MROH9: variants seen among roughly 807,000 people sequenced by gnomAD.
The protein encoded by MROH9 is maestro heat-like repeat-containing protein family member 9.
MROH9 carries 92 observed loss-of-function variants against 98.2 expected under a neutral mutation model. The observed-to-expected ratio is 0.94, with a 90% CI of 0.79 to 1.11. The LOEUF is 1.11. Among genes scored for constraint, MROH9 ranks in the 50% most tolerant of loss-of-function variants. MROH9 has a pLI of 0.00. For missense variants in MROH9, 1,057 were observed against 1,014.8 expected (o/e 1.04, Z -0.57); for synonymous variants, 397 against 368.9 (o/e 1.08, Z -0.87).
intron 20 of MROH9, among the ~76,000 whole-genome samples, chr1:171,042,342 T>C (rs1179718837): frequency 6.6e-6 from 1 of 152,108 alleles, no homozygotes; most frequent in Non-Finnish European, 1.5e-5. Context: ...GGCTGAATGG[T>C]ATTCCATTGT....
intron 20 of MROH9, among the ~76,000 whole-genome samples, chr1:171,037,185 A>G (rs1334299696): frequency 6.6e-6 from 1 of 151,784 alleles, no homozygotes; most frequent in African/African-American, 2.4e-5. Flanking sequence ...TCCCATTTAT[A>G]GTAGGTAAAA....
chr1:170,958,088 C>T (rs1007747767), intron 3 of MROH9, among the ~76,000 whole-genome samples: 4 of 151,930 alleles, frequency 2.6e-5, no homozygotes, highest in African/African-American at 7.3e-5. Flanking sequence ...GGATTACAGG[C>T]GTGAGCCACC....
intron 15 of MROH9, among the ~76,000 whole-genome samples, chr1:171,008,954 A>G (rs1050467289): frequency 2.6e-5 from 4 of 151,536 alleles, no homozygotes; most frequent in African/African-American, 9.7e-5. Context: ...GGAAACATAT[A>G]CATATGCACA....
At chr1:171,032,817 A>C (rs1183159470) in intron 20 of MROH9, among the ~76,000 whole-genome samples, 1 of 152,178 alleles carries the variant, frequency 6.6e-6, no homozygotes, top group Non-Finnish European at 1.5e-5. Flanking sequence ...GGGGTGTGCC[A>C]CACCAGGCGG....
At chr1:171,026,292 T>TG (rs1652711630) in intron 20 of MROH9, among the ~76,000 whole-genome samples, 1 of 151,548 alleles carries the variant, frequency 6.6e-6, no homozygotes, top group East Asian at 1.9e-4. Context: ...TTTTTTTTTT[T>TG]AAGACAGAAT....
Position 170,971,805 on chromosome 1 carries a change from T to C in MROH9, c.538T>C (p.Ser180Pro), listed in dbSNP as rs1650467510. The C allele has an allele frequency of 6.2e-7, 1 of 1,613,968 alleles. No individual in the cohort carries two copies. The highest frequency in any genetic ancestry group is 1.3e-5 in the African/African-American group (1 of 74,940). ...GGCAGCAGAGCTGTCTCTTTTGTGT[T>C]CCCATGAAGATCCCTCGATTGTAAA... ...LLAAELSLLCSHEDPSIVKQA... is the reference protein window; with the variant it reads ...LLAAELSLLCPHEDPSIVKQA... Residue 180 changes from serine to proline, a missense_variant, in exon 8 of 22, where the codon TCC becomes CCC. Coordinates refer to ENST00000367759, the MANE Select transcript of MROH9 (RefSeq NM_001163629.2).
chr1:171,006,447 TTCTC>T (rs921131909), intron 15 of MROH9, among the ~76,000 whole-genome samples: 4 of 152,150 alleles, frequency 2.6e-5, no homozygotes, highest in African/African-American at 7.2e-5. Context: ...AATCTAGATG[TTCTC>T]TCTCTATCTT....
intron 1 of MROH9, among the ~76,000 whole-genome samples, chr1:170,940,916 C>T (rs59314187): frequency 0.021 from 3,188 of 152,252 alleles, 111 homozygotes; most frequent in African/African-American, 0.068. Context: ...TCCACAGTTC[C>T]GGCAACCAGT....
intron 1 of MROH9, among the ~76,000 whole-genome samples, chr1:170,937,967 G>C (rs920618832): frequency 6.6e-6 from 1 of 152,122 alleles, no homozygotes; most frequent in Non-Finnish European, 1.5e-5. Flanking sequence ...CCTGCACTGG[G>C]TGGTTGTAGT....
chr1:170,985,366 C>A (rs140933806), intron 9 of MROH9, among the ~76,000 whole-genome samples: 2 of 152,214 alleles, frequency 1.3e-5, no homozygotes, highest in African/African-American at 4.8e-5. Context: ...TGTAACAACA[C>A]GGCGTAGCAG....
At chr1:171,012,499 A>ATTTTT (rs372676922) in intron 15 of MROH9, among the ~76,000 whole-genome samples, 3 of 114,212 alleles carry the variant, frequency 2.6e-5, no homozygotes, top group African/African-American at 7.1e-5. Flanking sequence ...TAAAACTGTC[A>ATTTTT]TTTTTTTTTT....
At position 171,034,292 on chromosome 1, in the gene MROH9, T is replaced by C. The variant is rs188387465; in HGVS notation, c.2281+8872T>C. Among the ~76,000 whole-genome samples, 91 of 152,324 alleles carry C rather than the reference T, an allele frequency of 6.0e-4. 1 individual carries two copies. The highest frequency in any genetic ancestry group is 2.1e-3 in the African/African-American group (86 of 41,564). ...ACAAGAACTCAGGATGAAATCATCA[T>C]CATGAATTCTTCTTGAAGACATTAT... On this transcript the variant is annotated intron_variant, in intron 20 of 21. Transcript: ENST00000367759.
intron 20 of MROH9, among the ~76,000 whole-genome samples, chr1:171,033,304 C>T (rs1652987195): frequency 6.6e-6 from 1 of 152,384 alleles, no homozygotes; most frequent in South Asian, 2.1e-4. Context: ...CCCTTCACCC[C>T]AGGAGTTCAG....
At chr1:171,011,797 T>C (rs1652162588) in intron 15 of MROH9, among the ~76,000 whole-genome samples, 1 of 152,196 alleles carries the variant, frequency 6.6e-6, no homozygotes, top group Admixed American at 6.5e-5. Flanking sequence ...ATTTTACTTG[T>C]TCTTTTTTGT....
chr1:171,010,366 T>A (rs977360585), intron 15 of MROH9, among the ~76,000 whole-genome samples: 1 of 152,214 alleles, frequency 6.6e-6, no homozygotes. Context: ...TTCCAAGCCT[T>A]TGCTATTGTG....
chr1:171,028,602 A>G (rs955854242), intron 20 of MROH9, among the ~76,000 whole-genome samples: 1 of 152,198 alleles, frequency 6.6e-6, no homozygotes, highest in African/African-American at 2.4e-5. Context: ...TACTGAATCT[A>G]TAAATTAACT....
intron 2 of MROH9, 59 bp from the exon 3 acceptor site, chr1:170,947,468 C>G: frequency 6.8e-7 from 1 of 1,464,586 alleles, no homozygotes; most frequent in Non-Finnish European, 9.5e-7. Context: ...TAAGGCCCCA[C>G]TAAGATGATA....
intron 1 of MROH9, among the ~76,000 whole-genome samples, chr1:170,944,869 A>G (rs1391134653): frequency 1.3e-5 from 2 of 152,062 alleles, no homozygotes; most frequent in Non-Finnish European, 2.9e-5. Flanking sequence ...AGGGTACGGG[A>G]TGAAGATCTG....
chr1:171,058,452 C>T (rs771780293), intron 20 of MROH9, among the ~76,000 whole-genome samples: 4 of 151,804 alleles, frequency 2.6e-5, no homozygotes, highest in Non-Finnish European at 5.9e-5. Context: ...AATGTTATTC[C>T]CATCATACTA....
Sources: allele counts gnomAD v4.1 joint callset (sites outside exome capture counted in the v4.1 genomes callset), GRCh38; gene constraint gnomAD v4.1.1; transcripts MANE v1.5; gene names NCBI Gene and HGNC (gene_info 2026-07-23, HGNC 2026-07-21).